AOX1: variants seen among roughly 807,000 people sequenced by gnomAD.
The protein encoded by AOX1 is aldehyde oxidase 1.
A neutral mutation model predicts 169.5 loss-of-function variants in AOX1; 153 were observed. That is an observed-to-expected ratio of 0.90 (90% CI 0.79 to 1.03). The LOEUF (loss-of-function observed/expected upper bound fraction) is 1.03. AOX1 is among the 50% of genes least tolerant of loss of function. The pLI is 0.00. For synonymous variants in AOX1, 562 were observed against 581.9 expected (o/e 0.97, Z 0.49); for missense variants, 1,656 against 1,663.9 (o/e 1.00, Z 0.08).
At chr2:200,674,014 CTA>C (rs1177149822), downstream of AOX1, among the ~76,000 whole-genome samples, 1 of 152,186 alleles carries the variant, frequency 6.6e-6, no homozygotes, top group East Asian at 1.9e-4. Flanking sequence ...CAAGCAAAAG[CTA>C]TACAGTAAGA....
intron 21 of AOX1, 36 bp from the exon 22 acceptor site, chr2:200,636,875 A>G: frequency 6.3e-7 from 1 of 1,593,560 alleles, no homozygotes; most frequent in South Asian, 1.1e-5. Context: ...CTTGCTGAAG[A>G]TGGATCAGAT....
chr2:200,675,809 T>G (rs553077498), downstream of AOX1, among the ~76,000 whole-genome samples: 1 of 151,980 alleles, frequency 6.6e-6, no homozygotes. Flanking sequence ...AGGGAGATAC[T>G]GTTATTTTGA....
At chr2:200,591,580 C>T (rs2034173355) in intron 1 of AOX1, among the ~76,000 whole-genome samples, 1 of 152,182 alleles carries the variant, frequency 6.6e-6, no homozygotes, top group East Asian at 1.9e-4. Flanking sequence ...ATTAATTCAC[C>T]TAAGATCCAC....
In AOX1 at chr2:200,604,859, AT is replaced by A; in HGVS notation, c.814+25del. On this transcript the variant is annotated intron_variant, in intron 9 of 34. Coordinates refer to ENST00000374700, the MANE Select transcript of AOX1 (RefSeq NM_001159.4). ...TCTGTGGGTATGTAGAACCCCAGGG[AT>A]TTTTTATAGGGAAATTGAGAAAAAG... 2 of 1,292,918 alleles carry A rather than the reference AT, an allele frequency of 1.5e-6. No homozygotes were observed. Among genetic ancestry groups the A allele is most frequent in the South Asian group, 1.2e-5 (1 of 85,548 alleles). The allele number at this position is 1,292,918 out of a possible 1,614,324, so 80.1% of individuals were successfully genotyped here. A position where few individuals can be genotyped will look rare whatever the true frequency, so the allele number is the denominator to read the frequency against.
intron 20 of AOX1, among the ~76,000 whole-genome samples, chr2:200,630,352 G>A (rs890782074): frequency 1.1e-4 from 17 of 151,806 alleles, no homozygotes; most frequent in African/African-American, 4.1e-4. Flanking sequence ...GCAAAACCCT[G>A]TCTCCAATAA....
intron 31 of AOX1, among the ~76,000 whole-genome samples, chr2:200,665,757 C>T (rs1242118473): frequency 6.6e-6 from 1 of 152,202 alleles, no homozygotes; most frequent in African/African-American, 2.4e-5. Context: ...GAAAGCACAA[C>T]CTTCACTAAC....
intron 19 of AOX1, among the ~76,000 whole-genome samples, chr2:200,624,828 C>G (rs565900557): frequency 6.6e-6 from 1 of 152,122 alleles, no homozygotes; most frequent in African/African-American, 2.4e-5. Flanking sequence ...AGAATGAACA[C>G]TGGGGAGGCA....
chr2:200,602,237 C>G, intron 5 of AOX1, 47 bp from the exon 6 acceptor site: 1 of 1,541,774 alleles, frequency 6.5e-7, no homozygotes, highest in Non-Finnish European at 9.0e-7. Context: ...TAGACTGTGC[C>G]TCTATCTGGG....
intron 17 of AOX1, 58 bp from the exon 18 acceptor site, chr2:200,621,062 A>T: frequency 6.5e-7 from 1 of 1,549,252 alleles, no homozygotes; most frequent in Non-Finnish European, 8.7e-7. Flanking sequence ...TTATCCAATT[A>T]ACCATGTTCT....
chr2:200,665,257 A>G (rs905732104), intron 31 of AOX1, among the ~76,000 whole-genome samples: 1 of 152,176 alleles, frequency 6.6e-6, no homozygotes, highest in African/African-American at 2.4e-5. Context: ...GCCATAGCCT[A>G]CTGGTCAAAC....
chr2:200,620,224 C>T (rs1574928176), intron 16 of AOX1, among the ~76,000 whole-genome samples: 1 of 130,770 alleles, frequency 7.6e-6, no homozygotes, highest in Non-Finnish European at 1.6e-5. Context: ...TTTTTGATGG[C>T]GTCTTGCTCT....
chr2:200,637,147 A>G (rs1444627519), intron 22 of AOX1, 103 bp downstream of exon 22: 5 of 1,390,364 alleles, frequency 3.6e-6, no homozygotes, highest in Non-Finnish European at 4.9e-6. Context: ...TTAATATCAC[A>G]TATACGATAC....
chr2:200,647,174 T>C (rs1026899399), intron 25 of AOX1, among the ~76,000 whole-genome samples: 5 of 152,216 alleles, frequency 3.3e-5, no homozygotes, highest in Admixed American at 2.6e-4. Flanking sequence ...ATTTATGTTT[T>C]ATAGGTCCTA....
chr2:200,631,447 T>C (rs1406787394), intron 20 of AOX1, among the ~76,000 whole-genome samples: 1 of 152,208 alleles, frequency 6.6e-6, no homozygotes, highest in Non-Finnish European at 1.5e-5. Context: ...CCACAACCTA[T>C]CCTGCTGGGC....
chr2:200,633,446 T>C (rs1414421872), intron 20 of AOX1, among the ~76,000 whole-genome samples: 1 of 152,178 alleles, frequency 6.6e-6, no homozygotes, highest in East Asian at 1.9e-4. Flanking sequence ...TATATTCTTG[T>C]ACATTAATCA....
chr2:200,644,998 C>T (rs769133593), intron 25 of AOX1, among the ~76,000 whole-genome samples: 20 of 152,178 alleles, frequency 1.3e-4, no homozygotes, highest in South Asian at 2.1e-4. Flanking sequence ...CAAACAGTGA[C>T]GGTTTGACTT....
At chr2:200,604,565 A>G in intron 8 of AOX1, 131 bp from the exon 9 acceptor site, 1 of 969,742 alleles carries the variant, frequency 1.0e-6, no homozygotes, top group Non-Finnish European at 1.5e-6. Flanking sequence ...CTCTACTTTT[A>G]GGTCACTTTG....
chr2:200,638,991 C>T (rs1401141833), intron 23 of AOX1, among the ~76,000 whole-genome samples: 1 of 152,142 alleles, frequency 6.6e-6, no homozygotes, highest in East Asian at 1.9e-4. Context: ...TTTATTGGTG[C>T]CACTGTGCCC....
At chr2:200,620,199 C>CTTT (rs34887452) in intron 16 of AOX1, among the ~76,000 whole-genome samples, 1 of 130,808 alleles carries the variant, frequency 7.6e-6, no homozygotes, top group South Asian at 2.4e-4. Context: ...TTAATAGTGA[C>CTTT]TTTTTTTTTT....
Sources: gnomAD v4.1 joint callset for allele counts (sites outside exome capture counted in the v4.1 genomes callset) on GRCh38, gnomAD v4.1.1 for gene constraint, MANE v1.5 for transcripts, NCBI Gene and HGNC (gene_info 2026-07-23, HGNC 2026-07-21) for gene names.